The following GPC6 variants were observed in gnomAD, a reference collection of about 807,000 sequenced individuals.
GPC6 encodes glypican 6.
A neutral mutation model predicts 55.2 loss-of-function variants in GPC6; 14 were observed. That is an observed-to-expected ratio of 0.25 (90% CI 0.17 to 0.40). GPC6 has a LOEUF of 0.40. GPC6 is among the 10% of genes least tolerant of loss of function. The pLI is 1.00. For synonymous variants in GPC6, 278 were observed against 259.6 expected, an observed-to-expected ratio of 1.07 and a Z score of -0.68; for missense variants, 641 against 708.5, an observed-to-expected ratio of 0.90 and a Z score of 1.08.
At chr13:94,259,038 T>G (rs1351487198) in intron 4 of GPC6, among the ~76,000 whole-genome samples, 2 of 151,738 alleles carry the variant, frequency 1.3e-5, no homozygotes, top group South Asian at 2.1e-4. Context: ...ACTGGAAACC[T>G]TTCCCAGAAG....
At chr13:93,737,906 A>T (rs977653496) in intron 2 of GPC6, among the ~76,000 whole-genome samples, 1 of 152,088 alleles carries the variant, frequency 6.6e-6, no homozygotes, top group East Asian at 1.9e-4. Context: ...TGTTTTTAAA[A>T]GTACTCGGAA....
intron 1 of GPC6, among the ~76,000 whole-genome samples, chr13:93,454,270 T>C (rs531415834): frequency 6.6e-6 from 1 of 151,152 alleles, no homozygotes; most frequent in African/African-American, 2.4e-5. Flanking sequence ...CCAGAGTAGC[T>C]AGATACAGAG....
chr13:94,090,954 G>T (rs1885457436), intron 4 of GPC6, among the ~76,000 whole-genome samples: 1 of 152,110 alleles, frequency 6.6e-6, no homozygotes, highest in Non-Finnish European at 1.5e-5. Flanking sequence ...CCTCAAAATT[G>T]AAAGTGAAAG....
intron 2 of GPC6, among the ~76,000 whole-genome samples, chr13:93,651,249 C>T (rs1004025347): frequency 6.7e-6 from 1 of 149,942 alleles, no homozygotes; most frequent in Non-Finnish European, 1.5e-5. Flanking sequence ...TTGGAATCTA[C>T]CTATTTTTTT....
At chr13:94,119,592 G>C (rs529114929) in intron 4 of GPC6, among the ~76,000 whole-genome samples, 1 of 152,216 alleles carries the variant, frequency 6.6e-6, no homozygotes, top group African/African-American at 2.4e-5. Context: ...TTGGCTGAGG[G>C]CAGTGGGCAG....
chr13:93,290,770 A>G (rs1301225254), intron 1 of GPC6, among the ~76,000 whole-genome samples: 2 of 152,168 alleles, frequency 1.3e-5, no homozygotes, highest in Non-Finnish European at 2.9e-5. Context: ...TGATCTCATG[A>G]TAACTTTATC....
At chr13:93,221,452 G>T in the GPC6 span, among the ~76,000 whole-genome samples, 1 of 152,070 alleles carries the variant, frequency 6.6e-6, no homozygotes, top group Non-Finnish European at 1.5e-5. Context: ...GAAGAATATT[G>T]CAAGACAAGA....
intron 1 of GPC6, among the ~76,000 whole-genome samples, chr13:93,472,191 A>C (rs187496331): frequency 6.6e-6 from 1 of 152,202 alleles, no homozygotes; most frequent in Admixed American, 6.5e-5. Context: ...TTTTTATATT[A>C]TCTTGAACAT....
rs115375088 is a variant in GPC6 at position 93,591,746 on chromosome 13, G to C, written c.319+46325G>C. On this transcript the variant is annotated intron_variant, in intron 2 of 8. Transcript: ENST00000377047. ...TCATATTTCTGCAATAAAACATAGA[G>C]ATATTTCCTCTATATGAGATCAAAA... 3.1e-3 allele frequency among the ~76,000 whole-genome samples: 478 copies of C among 152,224 alleles called. 3 individuals are homozygous for C. The highest frequency in any genetic ancestry group is 0.011 in the African/African-American group (440 of 41,554).
intron 4 of GPC6, among the ~76,000 whole-genome samples, chr13:94,183,760 A>C (rs961155199): frequency 6.6e-6 from 1 of 152,198 alleles, no homozygotes; most frequent in East Asian, 1.9e-4. Flanking sequence ...CATTATAGCC[A>C]TTCTAGCAGG....
At position 93,653,734 on chromosome 13, in the gene GPC6, C is replaced by A. The variant is rs116692226; in HGVS notation, c.319+108313C>A. On this transcript the variant is annotated intron_variant, in intron 2 of 8. Coordinates refer to ENST00000377047, the MANE Select transcript of GPC6 (RefSeq NM_005708.5). The stretch of plus-strand genomic sequence containing the variant: ...TTTGAGTAGATTTAATCTCAAAGCT[C>A]CAAGTTAAATTCTTTTCAGGCTTAG... 7.1e-3 allele frequency among the ~76,000 whole-genome samples: 1,085 copies of A among 152,022 alleles called. 18 individuals carry two copies. Among genetic ancestry groups the A allele is most frequent in the African/African-American group, 0.025 (1,022 of 41,460 alleles).
At chr13:94,094,055 C>T (rs1310767726) in intron 4 of GPC6, among the ~76,000 whole-genome samples, 2 of 30,566 alleles carry the variant, frequency 6.5e-5, no homozygotes, top group African/African-American at 2.1e-4. Context: ...CAGGACTCTG[C>T]CTTTTTCGAA....
chr13:93,863,746 A>G (rs1888882179), intron 3 of GPC6, among the ~76,000 whole-genome samples: 1 of 151,622 alleles, frequency 6.6e-6, no homozygotes, highest in African/African-American at 2.4e-5. Context: ...TCCCAATACC[A>G]GAGTACAGTT....
intron 2 of GPC6, among the ~76,000 whole-genome samples, chr13:93,814,796 G>A (rs4592523): frequency 6.6e-6 from 1 of 152,188 alleles, no homozygotes; most frequent in South Asian, 2.1e-4. Context: ...ATCCATCAGA[G>A]CAAGATTAGA....
chr13:94,083,343 C>G (rs1473431293), intron 4 of GPC6, among the ~76,000 whole-genome samples: 4 of 152,218 alleles, frequency 2.6e-5, no homozygotes, highest in East Asian at 1.9e-4. Flanking sequence ...TGGTCTCGAT[C>G]TCCTGACCTT....
intron 1 of GPC6, among the ~76,000 whole-genome samples, chr13:93,507,276 G>C (rs573605505): frequency 3.3e-5 from 5 of 152,132 alleles, no homozygotes; most frequent in African/African-American, 1.2e-4. Flanking sequence ...CGAGAAGACT[G>C]GACTAGAGCC....
At chr13:93,762,916 T>C (rs1022580613) in intron 2 of GPC6, among the ~76,000 whole-genome samples, 1 of 152,182 alleles carries the variant, frequency 6.6e-6, no homozygotes, top group African/African-American at 2.4e-5. Flanking sequence ...AAGAAGACAT[T>C]GCATAAATCC....
At chr13:93,750,918 C>A (rs1428654123) in intron 2 of GPC6, among the ~76,000 whole-genome samples, 2 of 152,108 alleles carry the variant, frequency 1.3e-5, no homozygotes, top group Non-Finnish European at 2.9e-5. Flanking sequence ...CAGTGCTTTT[C>A]CAGATGTCCA....
intron 3 of GPC6, among the ~76,000 whole-genome samples, chr13:93,949,332 A>G (rs982910738): frequency 2.0e-5 from 3 of 152,210 alleles, no homozygotes; most frequent in African/African-American, 7.2e-5. Context: ...TTCTCCTTGC[A>G]GGAGTCAATA....
Sources: gnomAD v4.1 joint callset for allele counts (sites outside exome capture counted in the v4.1 genomes callset) on GRCh38, gnomAD v4.1.1 for gene constraint, MANE v1.5 for transcripts, NCBI Gene and HGNC (gene_info 2026-07-23, HGNC 2026-07-21) for gene names.